ANO2: variants seen among roughly 807,000 people sequenced by gnomAD.
ANO2 encodes the protein anoctamin-2.
A neutral mutation model predicts 124.2 loss-of-function variants in ANO2; 101 were observed. The observed-to-expected ratio is 0.81, with a 90% CI of 0.69 to 0.96. The LOEUF is 0.96. Among genes scored for constraint, ANO2 ranks in the 40% least tolerant of loss-of-function variants. The pLI is 0.00. For missense variants in ANO2, 1,293 were observed against 1,274.5 expected, an observed-to-expected ratio of 1.01 and a Z score of -0.22; for synonymous variants, 486 against 482.5, an observed-to-expected ratio of 1.01 and a Z score of -0.09.
intron 1 of ANO2, among the ~76,000 whole-genome samples, chr12:5,923,185 TACACACACAC>T (rs199680769): frequency 7.1e-5 from 1 of 14,152 alleles, no homozygotes; most frequent in Non-Finnish European, 2.4e-4. Flanking sequence ...CACACACACA[TACACACACAC>T]GCACGCACAC....
intron 1 of ANO2, among the ~76,000 whole-genome samples, chr12:5,936,310 A>G (rs1053967596): frequency 6.6e-6 from 1 of 152,154 alleles, no homozygotes; most frequent in Non-Finnish European, 1.5e-5. Flanking sequence ...TCACGGTTTG[A>G]CTATCGGTGT....
At chr12:5,843,258 A>G (rs1383695717) in intron 4 of ANO2, among the ~76,000 whole-genome samples, 1 of 152,176 alleles carries the variant, frequency 6.6e-6, no homozygotes, top group Non-Finnish European at 1.5e-5. Context: ...TCCATCCTTA[A>G]TAAAACTCAG....
chr12:5,607,726 C>T (rs1424566375), intron 19 of ANO2, among the ~76,000 whole-genome samples: 1 of 152,118 alleles, frequency 6.6e-6, no homozygotes, highest in African/African-American at 2.4e-5. Context: ...GGAGCGTGAA[C>T]CCTACGTGAA....
chr12:5,572,349 C>T (rs1212786790), intron 23 of ANO2, among the ~76,000 whole-genome samples: 6 of 152,174 alleles, frequency 3.9e-5, no homozygotes, highest in Admixed American at 3.3e-4. Context: ...CACTTACCAG[C>T]CAGGCTGACA....
At chr12:5,588,288 C>T (rs1044013463) in intron 20 of ANO2, among the ~76,000 whole-genome samples, 1 of 151,960 alleles carries the variant, frequency 6.6e-6, no homozygotes, top group Admixed American at 6.6e-5. Context: ...CATTTTTGTT[C>T]GAAGTCCAAG....
chr12:5,601,711 T>C (rs1591707848), intron 19 of ANO2, among the ~76,000 whole-genome samples: 1 of 152,230 alleles, frequency 6.6e-6, no homozygotes, highest in Non-Finnish European at 1.5e-5. Context: ...TAAACATATA[T>C]TTATCCACTT....
chr12:5,724,334 G>A (rs1950348826), intron 14 of ANO2, among the ~76,000 whole-genome samples: 1 of 152,058 alleles, frequency 6.6e-6, no homozygotes, highest in Non-Finnish European at 1.5e-5. Context: ...CGGTCATTTA[G>A]TGCCTCAAAA....
At chr12:5,762,098 G>A (rs1951759784) in intron 10 of ANO2, among the ~76,000 whole-genome samples, 1 of 151,956 alleles carries the variant, frequency 6.6e-6, no homozygotes, top group Non-Finnish European at 1.5e-5. Flanking sequence ...TTTATGATAT[G>A]TTTACTTTAG....
rs548975296 is a variant in ANO2 at position 5,764,995 on chromosome 12, T to A, written c.1056-14025A>T. On this transcript the variant is annotated intron_variant, in intron 10 of 24. Transcript: ENST00000682330. Reference sequence around the variant, plus strand: ...ATATTGTGAGAGACTCTTCTAACTATCCATATAAACAGTTGACTATTCTGT... The same window carrying A: ...ATATTGTGAGAGACTCTTCTAACTAACCATATAAACAGTTGACTATTCTGT... Among the ~76,000 whole-genome samples the A allele has an allele frequency of 4.8e-4, 73 of 152,240 alleles. 1 individual carries two copies. In the South Asian group the frequency reaches 0.014, roughly 30 times the overall value.
At chr12:5,624,240 T>G (rs1945275123) in intron 16 of ANO2, among the ~76,000 whole-genome samples, 1 of 147,668 alleles carries the variant, frequency 6.8e-6, no homozygotes, top group South Asian at 2.1e-4. Flanking sequence ...AAGGGAGCAC[T>G]GGAGAGAGAG....
intron 7 of ANO2, among the ~76,000 whole-genome samples, chr12:5,812,352 G>C (rs1294876938): frequency 7.4e-6 from 1 of 135,714 alleles, no homozygotes; most frequent in African/African-American, 2.8e-5. Context: ...AGGAAGGAAG[G>C]AGGAAGGAGA....
intron 6 of ANO2, 139 bp downstream of exon 6, chr12:5,830,296 G>T: frequency 1.2e-6 from 1 of 805,020 alleles, no homozygotes; most frequent in Non-Finnish European, 2.0e-6. Flanking sequence ...GGAAGCTCTT[G>T]CATACTCTTC....
At chr12:5,639,529 G>C (rs1946223244) in intron 15 of ANO2, among the ~76,000 whole-genome samples, 1 of 152,208 alleles carries the variant, frequency 6.6e-6, no homozygotes, top group South Asian at 2.1e-4. Flanking sequence ...AAGGCAAACA[G>C]GGTATAGGGA....
At chr12:5,618,631 A>G (rs1944959448) in intron 16 of ANO2, among the ~76,000 whole-genome samples, 2 of 152,136 alleles carry the variant, frequency 1.3e-5, no homozygotes, top group Non-Finnish European at 2.9e-5. Context: ...TGTCTGACCC[A>G]TTATTGTTTT....
intron 3 of ANO2, among the ~76,000 whole-genome samples, chr12:5,878,989 A>G (rs1938300649): frequency 6.6e-6 from 1 of 152,222 alleles, no homozygotes; most frequent in Non-Finnish European, 1.5e-5. Flanking sequence ...GAAATTGACC[A>G]TCAGGAACAC....
chr12:5,600,378 T>A (rs945014448), intron 19 of ANO2, among the ~76,000 whole-genome samples: 1 of 152,196 alleles, frequency 6.6e-6, no homozygotes, highest in Non-Finnish European at 1.5e-5. Flanking sequence ...TCTAGAACTA[T>A]GAGAAAATAA....
Position 5,830,431 on chromosome 12 carries a change from T to C in ANO2, c.840+4A>G. 3 of 1,612,548 alleles carry C rather than the reference T, an allele frequency of 1.9e-6. No homozygotes were observed. The highest frequency in any genetic ancestry group is 2.2e-5 in the South Asian group (2 of 90,408). On this transcript the variant is annotated splice_donor_region_variant and intron_variant, in intron 6 of 24. Transcript: ENST00000682330. ...TTCCTAACACAGTACATCCATTTAC[T>C]TACAATGCGGCTGCGGGTGGCATTA... is the stretch of plus-strand genomic sequence containing the variant.
chr12:5,807,239 C>T (rs1953225865), intron 8 of ANO2, 74 bp downstream of exon 8: 1 of 1,345,034 alleles, frequency 7.4e-7, no homozygotes, highest in African/African-American at 1.5e-5. Context: ...TCACCCATCT[C>T]ACTGCCACTG....
intron 4 of ANO2, among the ~76,000 whole-genome samples, chr12:5,846,713 C>A (rs1954695045): frequency 6.6e-6 from 1 of 152,182 alleles, no homozygotes; most frequent in Admixed American, 6.5e-5. Context: ...TGCATAACTC[C>A]AGTCTCTGCC....
Sources: gnomAD v4.1 joint callset for allele counts (sites outside exome capture counted in the v4.1 genomes callset) on GRCh38, gnomAD v4.1.1 for gene constraint, MANE v1.5 for transcripts, NCBI Gene and HGNC (gene_info 2026-07-23, HGNC 2026-07-21) for gene names.